The following STYK1 variants were observed in gnomAD, a reference collection of about 807,000 sequenced individuals.
STYK1 encodes the protein STY kinase 1, also known as tyrosine-protein kinase STYK1.
STYK1 carries 46 observed loss-of-function variants against 48.1 expected under a neutral mutation model. The ratio of observed to expected loss-of-function variants is 0.96; its 90% CI spans 0.75 to 1.22. STYK1 has a LOEUF of 1.22. STYK1 is among the 50% of genes most tolerant of loss of function. STYK1 has a pLI of 0.00. For missense variants in STYK1, 527 were observed against 521.1 expected (o/e 1.01, Z -0.11); for synonymous variants, 188 against 189.0 (o/e 0.99, Z 0.04).
chr12:10,637,891 G>T (rs889799475), intron 1 of STYK1, among the ~76,000 whole-genome samples: 3 of 152,170 alleles, frequency 2.0e-5, no homozygotes, highest in Non-Finnish European at 4.4e-5. Context: ...CCTCTAGGAT[G>T]ACTCTTCGAT....
At chr12:10,639,855 G>T (rs941075211) in intron 1 of STYK1, among the ~76,000 whole-genome samples, 3 of 152,096 alleles carry the variant, frequency 2.0e-5, no homozygotes, top group African/African-American at 7.2e-5. Flanking sequence ...AGGTCAAGAA[G>T]GAATTACATT....
intron 1 of STYK1, among the ~76,000 whole-genome samples, chr12:10,649,752 G>A (rs1034718571): frequency 1.1e-4 from 17 of 152,126 alleles, no homozygotes; most frequent in Non-Finnish European, 2.4e-4. Flanking sequence ...AAGACCAAGA[G>A]GGAAAACAAT....
At chr12:10,664,707 A>G (rs1313564403) in intron 1 of STYK1, among the ~76,000 whole-genome samples, 1 of 152,202 alleles carries the variant, frequency 6.6e-6, no homozygotes, top group Non-Finnish European at 1.5e-5. Flanking sequence ...TAACTCAGCA[A>G]ATTAAGAATA....
intron 1 of STYK1, among the ~76,000 whole-genome samples, chr12:10,641,651 C>T (rs1203937282): frequency 6.6e-6 from 1 of 152,246 alleles, no homozygotes; most frequent in Non-Finnish European, 1.5e-5. Context: ...AAAGCTAACT[C>T]AGCTCCTGTT....
intron 1 of STYK1, among the ~76,000 whole-genome samples, chr12:10,671,154 C>T (rs1284053944): frequency 6.6e-6 from 1 of 151,938 alleles, no homozygotes; most frequent in Non-Finnish European, 1.5e-5. Flanking sequence ...GCCACCACGC[C>T]CAGCTAATTT....
intron 4 of STYK1, among the ~76,000 whole-genome samples, chr12:10,633,633 A>T (rs1056676316): frequency 6.6e-6 from 1 of 152,078 alleles, no homozygotes; most frequent in African/African-American, 2.4e-5. Context: ...TCATAGGGTG[A>T]TATGTCATCC....
rs186817333 is a variant in STYK1 at position 10,650,357 on chromosome 12, G to T, written c.-194-13161C>A. Among the ~76,000 whole-genome samples, 10 of 152,242 alleles carry T rather than the reference G, an allele frequency of 6.6e-5. No individual in the cohort carries two copies. The East Asian group carries it at 1.9e-3, about 29-fold the overall frequency. ...CCTTGGTTTACTAACCTATACAGCT[G>T]AGATAATTCTGCCTGCTTACATCAG... On this transcript the variant is annotated intron_variant, in intron 1 of 10. Transcript: ENST00000075503.
At chr12:10,622,067 A>C in intron 9 of STYK1, 95 bp from the exon 10 acceptor site, 2 of 1,042,334 alleles carry the variant, frequency 1.9e-6, no homozygotes, top group Non-Finnish European at 2.9e-6. Context: ...TTGCTTGCAA[A>C]AGATATAGCC....
At chr12:10,637,218 A>G (rs1489489016) in intron 1 of STYK1, 22 bp from the exon 2 acceptor site, 1 of 152,236 alleles carries the variant, frequency 6.6e-6, no homozygotes, top group Non-Finnish European at 1.5e-5. Context: ...AGATAAATGT[A>G]TAGAATGATG....
At chr12:10,633,924 G>T in intron 4 of STYK1, 66 bp downstream of exon 4, 1 of 1,577,088 alleles carries the variant, frequency 6.3e-7, no homozygotes, top group South Asian at 1.2e-5. Flanking sequence ...TTGAAACTTA[G>T]ACCATACTTT....
At chr12:10,653,692 A>C (rs1168537625) in intron 1 of STYK1, among the ~76,000 whole-genome samples, 1 of 152,224 alleles carries the variant, frequency 6.6e-6, no homozygotes, top group African/African-American at 2.4e-5. Flanking sequence ...AACATCAAGA[A>C]GTGTAGATGT....
intron 7 of STYK1, among the ~76,000 whole-genome samples, chr12:10,626,406 T>C (rs771745716): frequency 6.6e-6 from 1 of 152,196 alleles, no homozygotes; most frequent in Non-Finnish European, 1.5e-5. Flanking sequence ...ACGTATATGA[T>C]GTGTACTCTC....
chr12:10,630,181 T>C (rs981469530), intron 5 of STYK1, among the ~76,000 whole-genome samples: 1 of 149,398 alleles, frequency 6.7e-6, no homozygotes, highest in African/African-American at 2.5e-5. Flanking sequence ...AGGTCAGGAG[T>C]TCGAGACTGG....
chr12:10,666,852 A>G (rs532444688), intron 1 of STYK1, among the ~76,000 whole-genome samples: 2 of 152,340 alleles, frequency 1.3e-5, no homozygotes, highest in East Asian at 1.9e-4. Context: ...CAGAGGAACT[A>G]TAAGTCAATT....
At chr12:10,652,536 G>A (rs551834444) in intron 1 of STYK1, among the ~76,000 whole-genome samples, 2 of 152,270 alleles carry the variant, frequency 1.3e-5, no homozygotes, top group East Asian at 1.9e-4. Flanking sequence ...GTAGACAGGC[G>A]CAAGGCCATC....
chr12:10,667,768 CG>C (rs1947848341), intron 1 of STYK1, among the ~76,000 whole-genome samples: 1 of 152,160 alleles, frequency 6.6e-6, no homozygotes, highest in Admixed American at 6.5e-5. Context: ...AGCTTGGATA[CG>C]ACTTAGACTG....
At chr12:10,640,843 T>C (rs966589565) in intron 1 of STYK1, 3 of 152,200 alleles carry the variant, frequency 2.0e-5, no homozygotes, top group African/African-American at 7.2e-5. Context: ...ACAGGCCCCA[T>C]AACATCTAGG....
intron 8 of STYK1, among the ~76,000 whole-genome samples, chr12:10,623,771 T>A (rs1359404359): frequency 6.6e-6 from 1 of 152,172 alleles, no homozygotes; most frequent in Non-Finnish European, 1.5e-5. Context: ...AGGTTTCTCA[T>A]GCTACCTAAA....
chr12:10,631,753 T>C (rs1947431895), intron 4 of STYK1, among the ~76,000 whole-genome samples: 4 of 152,186 alleles, frequency 2.6e-5, no homozygotes, highest in Admixed American at 2.6e-4. Flanking sequence ...CTTTAAGCTA[T>C]GGTTATTCTT....
Sources: gnomAD v4.1 joint callset for allele counts (sites outside exome capture counted in the v4.1 genomes callset) on GRCh38, gnomAD v4.1.1 for gene constraint, MANE v1.5 for transcripts, NCBI Gene and HGNC (gene_info 2026-07-23, HGNC 2026-07-21) for gene names.